The following CTTNBP2 variants were observed in gnomAD, a reference collection of about 807,000 sequenced individuals.
The protein encoded by CTTNBP2 is cortactin-binding protein 2.
A neutral mutation model predicts 156.9 loss-of-function variants in CTTNBP2; 108 were observed. The observed-to-expected ratio is 0.69, with a 90% CI of 0.59 to 0.81. CTTNBP2 has a LOEUF of 0.81. Among genes scored for constraint, CTTNBP2 ranks in the 30% least tolerant of loss-of-function variants. CTTNBP2 has a pLI of 0.00. For synonymous variants in CTTNBP2, 767 were observed against 751.8 expected (o/e 1.02, Z -0.33); for missense variants, 1,924 against 2,035.4 (o/e 0.95, Z 1.05).
intron 14 of CTTNBP2, among the ~76,000 whole-genome samples, chr7:117,742,703 C>T (rs34263118): frequency 0.076 from 11,568 of 152,092 alleles, 1,441 homozygotes; most frequent in African/African-American, 0.26. Flanking sequence ...GACTGTGGGA[C>T]GAGGGTGAGG....
chr7:117,745,713 T>C lies in CTTNBP2; in HGVS notation c.3535+118A>G, dbSNP rs1796289175. ...TTGCAAGTGTTTATCCCACAGCTGC[T>C]GAATAATTAAAGTTATCTTAAATGT... On this transcript the variant is annotated intron_variant, in intron 14 of 22. Transcript: ENST00000160373. 8.8e-6 allele frequency: 6 copies of C among 683,404 alleles called. No homozygotes were observed. In the Admixed American group the frequency reaches 1.7e-4, roughly 19 times the overall value. 42.3% of individuals were successfully genotyped at this position (683,404 alleles called of 1,614,324 possible).
intron 2 of CTTNBP2, among the ~76,000 whole-genome samples, chr7:117,832,910 C>A (rs962082636): frequency 4.2e-5 from 3 of 71,746 alleles, no homozygotes; most frequent in Admixed American, 2.7e-4. Flanking sequence ...CCACACCCGG[C>A]TTTTTTTTCT....
chr7:117,857,243 A>C (rs1424398663), intron 2 of CTTNBP2, among the ~76,000 whole-genome samples: 2 of 152,252 alleles, frequency 1.3e-5, no homozygotes, highest in African/African-American at 4.8e-5. Context: ...TCAGTTAATC[A>C]GCTTTATGCA....
chr7:117,791,911 G>A lies in CTTNBP2; in HGVS notation c.1285C>T (p.His429Tyr), dbSNP rs771732330. 6.2e-7 allele frequency: 1 copy of A among 1,614,146 alleles called. No individual in the cohort carries two copies. Among genetic ancestry groups the A allele is most frequent in the Non-Finnish European group, 8.5e-7 (1 of 1,180,026 alleles). The change falls in exon 4 of 23, where the codon CAT becomes TAT. Residue 429 changes from histidine to tyrosine, a missense_variant. By Grantham distance (83) the His-to-Tyr change is moderately conservative (BLOSUM62 2). Transcript: ENST00000160373. ...AAAGAGGTGTTGGCACATGGTGAAT[G>A]TAAACTGTGCATAGGTGGAGCTTGC... ...NSQAPPMHSLHSPCANTSLHP... is the reference protein window; with the variant it reads ...NSQAPPMHSLYSPCANTSLHP...
chr7:117,819,367 T>TCACA (rs71529472), intron 2 of CTTNBP2, among the ~76,000 whole-genome samples: 1,326 of 130,618 alleles, frequency 0.01, 17 homozygotes, highest in South Asian at 0.021. Context: ...TCTCTCTCTC[T>TCACA]CACACACACA....
intron 3 of CTTNBP2, among the ~76,000 whole-genome samples, chr7:117,810,456 T>C (rs986440598): frequency 6.6e-6 from 1 of 152,230 alleles, no homozygotes. Context: ...CAGCTAAGCA[T>C]GTTTTCTAGA....
chr7:117,842,360 C>T (rs1274832525), intron 2 of CTTNBP2, among the ~76,000 whole-genome samples: 1 of 152,076 alleles, frequency 6.6e-6, no homozygotes, highest in African/African-American at 2.4e-5. Context: ...GCCACCACAT[C>T]TGGCTAATTT....
intron 2 of CTTNBP2, among the ~76,000 whole-genome samples, chr7:117,860,824 C>T (rs931216038): frequency 3.9e-5 from 6 of 152,050 alleles, no homozygotes; most frequent in Non-Finnish European, 7.4e-5. Flanking sequence ...CTATTACCAG[C>T]AATATTTTTT....
intron 17 of CTTNBP2, among the ~76,000 whole-genome samples, chr7:117,726,207 T>TA (rs1045646340): frequency 6.6e-6 from 1 of 152,304 alleles, no homozygotes; most frequent in African/African-American, 2.4e-5. Flanking sequence ...GTTGCAGTAT[T>TA]AAAAAACACT....
chr7:117,740,685 G>A (rs1189643911), intron 14 of CTTNBP2, among the ~76,000 whole-genome samples: 1 of 152,122 alleles, frequency 6.6e-6, no homozygotes, highest in Non-Finnish European at 1.5e-5. Context: ...CCTCCATCCA[G>A]ATCTCTGACT....
chr7:117,761,419 C>T (rs1584958570), intron 9 of CTTNBP2, among the ~76,000 whole-genome samples: 1 of 152,312 alleles, frequency 6.6e-6, no homozygotes, highest in South Asian at 2.1e-4. Flanking sequence ...GGTAGCACCC[C>T]CATCTACTTC....
In CTTNBP2 at chr7:117,777,649, C is replaced by T. The variant is rs749982523; in HGVS notation, c.2640G>A (p.Glu880=). The T allele has an allele frequency of 6.2e-7, 1 of 1,614,140 alleles. No individual in the cohort carries two copies. The highest frequency in any genetic ancestry group is 8.5e-7 in the Non-Finnish European group (1 of 1,180,016). ...HGNSFNEEES[E]SSVFDLDGGE... ...CTCCATCCAAGTCAAAGACACTTGA[C>T]TCGGACTCCTCCTCATTGAAAGAAT... is the stretch of plus-strand genomic sequence containing the variant. Residue 880 remains glutamate, a synonymous_variant, in exon 8 of 23, where the codon GAG becomes GAA. Coordinates refer to ENST00000160373, the MANE Select transcript of CTTNBP2 (RefSeq NM_033427.3).
Position 117,711,421 on chromosome 7 carries a change from C to T in CTTNBP2, c.*116G>A, listed in dbSNP as rs1794046158. 6.6e-6 allele frequency: 8 copies of T among 1,205,962 alleles called. No homozygotes were observed. The highest frequency in any genetic ancestry group is 2.4e-5 in the Admixed American group (1 of 40,864). The allele number at this position is 1,205,962 out of a possible 1,614,324, so 74.7% of individuals were successfully genotyped here. A position where few individuals can be genotyped will look rare whatever the true frequency, so the allele number is the denominator to read the frequency against. ...AAAAAAATTGAATAGTGGTCCCGCA[C>T]TCATAATTTATATTACAGTGAAAAC... On this transcript the variant is annotated 3_prime_UTR_variant, in exon 23 of 23. Transcript: ENST00000160373.
At chr7:117,838,339 T>C (rs1802071733) in intron 2 of CTTNBP2, among the ~76,000 whole-genome samples, 1 of 152,126 alleles carries the variant, frequency 6.6e-6, no homozygotes, top group Non-Finnish European at 1.5e-5. Context: ...TCTCATAAAA[T>C]GGGGCCTGTT....
intron 1 of CTTNBP2, among the ~76,000 whole-genome samples, chr7:117,865,673 A>G (rs1804132625): frequency 9.0e-6 from 1 of 111,478 alleles, no homozygotes; most frequent in South Asian, 2.4e-4. Flanking sequence ...TCCATCTCCA[A>G]AAAAAAAAAA....
chr7:117,783,513 T>A (rs1484700242), intron 5 of CTTNBP2, among the ~76,000 whole-genome samples: 1 of 152,218 alleles, frequency 6.6e-6, no homozygotes, highest in Non-Finnish European at 1.5e-5. Context: ...CACCTAGATG[T>A]CACATTCCTG....
Position 117,734,919 on chromosome 7 carries a change from C to G in CTTNBP2, c.3870G>C (p.Val1290=). The change falls in exon 16 of 23, where the codon GTG becomes GTC. Residue 1290 remains valine, a synonymous_variant. Coordinates refer to ENST00000160373, the MANE Select transcript of CTTNBP2 (RefSeq NM_033427.3). ...TGCACTTGCTGTTTGTTACCTTATT[C>G]ACAACTTTCCTTCGTAAGAACCTCT... ...LLQRFLRRKV[V]NKFKGQAPSP... 1 of 1,589,132 alleles carries G rather than the reference C, an allele frequency of 6.3e-7. No individual in the cohort carries two copies. Among genetic ancestry groups the G allele is most frequent in the Admixed American group, 1.7e-5 (1 of 57,574 alleles).
chr7:117,870,965 T>C (rs1401344843), intron 1 of CTTNBP2, among the ~76,000 whole-genome samples: 1 of 152,236 alleles, frequency 6.6e-6, no homozygotes, highest in Non-Finnish European at 1.5e-5. Flanking sequence ...AGCTTGTTTC[T>C]AAGCAACAAT....
intron 8 of CTTNBP2, among the ~76,000 whole-genome samples, chr7:117,775,819 T>C (rs1298057067): frequency 6.6e-6 from 1 of 152,214 alleles, no homozygotes; most frequent in Non-Finnish European, 1.5e-5. Flanking sequence ...TCAAATATTA[T>C]TGCATTCCAT....
Sources: gnomAD v4.1 joint callset for allele counts (sites outside exome capture counted in the v4.1 genomes callset) on GRCh38, gnomAD v4.1.1 for gene constraint, MANE v1.5 for transcripts, NCBI Gene and HGNC (gene_info 2026-07-23, HGNC 2026-07-21) for gene names.